TMIGD1: variants seen among roughly 807,000 people sequenced by gnomAD.
TMIGD1 encodes the protein transmembrane and immunoglobulin domain containing 1, also known as transmembrane and immunoglobulin domain-containing protein 1.
In TMIGD1, 29 loss-of-function variants were observed where a neutral mutation model predicts 27.5. The observed-to-expected ratio is 1.05, with a 90% CI of 0.78 to 1.44. TMIGD1 has a LOEUF of 1.44. Ranked by LOEUF, TMIGD1 falls within the 40% of genes most tolerant of loss-of-function variation. The pLI, the probability that TMIGD1 is intolerant of heterozygous loss-of-function variation, is 0.00. For missense variants in TMIGD1, 334 were observed against 310.6 expected (o/e 1.08, Z -0.57); for synonymous variants, 109 against 110.3 (o/e 0.99, Z 0.07).
At chr17:30,319,218 A>G (rs1249053964) in intron 4 of TMIGD1, among the ~76,000 whole-genome samples, 5 of 143,632 alleles carry the variant, frequency 3.5e-5, no homozygotes, top group African/African-American at 1.3e-4. Context: ...AGCCTGGCCC[A>G]CATGGTGAAA....
chr17:30,328,920 C>A (rs1160926755), intron 3 of TMIGD1, among the ~76,000 whole-genome samples: 5 of 143,862 alleles, frequency 3.5e-5, no homozygotes, highest in Admixed American at 1.5e-4. Context: ...GCCGAGATTG[C>A]GCCACTGAAC....
Position 30,332,251 on chromosome 17 carries a change from C to T in TMIGD1, c.-25-93G>A, listed in dbSNP as rs569796380. On this transcript the variant is annotated intron_variant, in intron 1 of 6. Transcript: ENST00000328886. ...TCTATTATGCATTTAAAGTGAAGTCCCAGATGAATCATCCCAGCTATAACG... is the reference window on the plus strand; with the variant it reads ...TCTATTATGCATTTAAAGTGAAGTCTCAGATGAATCATCCCAGCTATAACG... 3 of 656,656 alleles carry T rather than the reference C, an allele frequency of 4.6e-6. No individual in the cohort carries two copies. In the South Asian group the frequency reaches 6.2e-5, roughly 14 times the overall value. The allele number at this position is 656,656 out of a possible 1,614,324, so 40.7% of individuals were successfully genotyped here.
chr17:30,321,854 G>T (rs1909631534), intron 4 of TMIGD1, among the ~76,000 whole-genome samples: 1 of 151,962 alleles, frequency 6.6e-6, no homozygotes, highest in Non-Finnish European at 1.5e-5. Flanking sequence ...TTGGAGACAG[G>T]GTCTCACTCT....
At position 30,321,045 on chromosome 17, in the gene TMIGD1, A is replaced by G. The variant is rs1266498324; in HGVS notation, c.641-2132T>C. Among the ~76,000 whole-genome samples the G allele has an allele frequency of 4.6e-5, 7 of 152,008 alleles. No homozygotes were observed. The East Asian group carries it at 1.3e-3, about 29-fold the overall frequency. Reference sequence around the variant, plus strand: ...GATAATTTTTGTATTTTAGGTAGAGACAGTGTTTCGCCATGTTGGCCAGTC... The same window carrying G: ...GATAATTTTTGTATTTTAGGTAGAGGCAGTGTTTCGCCATGTTGGCCAGTC... On this transcript the variant is annotated intron_variant, in intron 4 of 6. Transcript: ENST00000328886.
chr17:30,330,993 G>A (rs1042770817), intron 2 of TMIGD1, among the ~76,000 whole-genome samples: 1 of 152,140 alleles, frequency 6.6e-6, no homozygotes, highest in Non-Finnish European at 1.5e-5. Context: ...AAAAGTTTGA[G>A]ACCAGCCTGG....
chr17:30,333,249 G>A (rs1469668499), intron 1 of TMIGD1, among the ~76,000 whole-genome samples: 2 of 141,754 alleles, frequency 1.4e-5, no homozygotes, highest in Admixed American at 7.2e-5. Context: ...CCAACATAGT[G>A]AAACCCCATC....
chr17:30,326,836 G>A (rs915595784), intron 3 of TMIGD1, among the ~76,000 whole-genome samples: 5 of 152,084 alleles, frequency 3.3e-5, no homozygotes, highest in Admixed American at 2.0e-4. Context: ...TCAGCAACGA[G>A]GTATGAGAGG....
intron 2 of TMIGD1, among the ~76,000 whole-genome samples, chr17:30,331,518 A>G (rs978719768): frequency 2.6e-5 from 4 of 152,032 alleles, no homozygotes; most frequent in Admixed American, 6.6e-5. Context: ...GTGGCTCTGG[A>G]GAGAATAGAA....
intron 3 of TMIGD1, among the ~76,000 whole-genome samples, chr17:30,326,444 A>G (rs975592514): frequency 6.6e-6 from 1 of 152,128 alleles, no homozygotes; most frequent in Non-Finnish European, 1.5e-5. Flanking sequence ...ATAGTTTTCT[A>G]TACATATAGT....
intron 4 of TMIGD1, 77 bp from the exon 5 acceptor site, chr17:30,318,990 A>G: frequency 4.0e-6 from 4 of 1,000,282 alleles, no homozygotes; most frequent in Non-Finnish European, 6.3e-6. Context: ...GGTGCCTTGA[A>G]CTTTATGTGT....
chr17:30,329,999 C>T lies in TMIGD1; in HGVS notation c.83-470G>A, dbSNP rs1032414641. ...ACTTGGGAGGATAAGGTGGGAGACT[C>T]GCTTGAGCCCAGGAGGTGGAGGTTG... On this transcript the variant is annotated intron_variant, in intron 2 of 6. Transcript: ENST00000328886. Among the ~76,000 whole-genome samples the T allele has an allele frequency of 8.6e-5, 13 of 151,932 alleles. 1 individual carries two copies. The highest frequency in any genetic ancestry group is 3.1e-4 in the African/African-American group (13 of 41,362).
chr17:30,331,229 A>G (rs1364916837), intron 2 of TMIGD1, among the ~76,000 whole-genome samples: 1 of 152,156 alleles, frequency 6.6e-6, no homozygotes, highest in African/African-American at 2.4e-5. Flanking sequence ...TTGTAAAGAT[A>G]ATGGTATTGT....
intron 2 of TMIGD1, among the ~76,000 whole-genome samples, chr17:30,331,256 A>G (rs1209774825): frequency 6.6e-6 from 1 of 152,186 alleles, no homozygotes; most frequent in Non-Finnish European, 1.5e-5. Flanking sequence ...GTATTTTATT[A>G]AAATATGGAA....
intron 5 of TMIGD1, 108 bp from the exon 6 acceptor site, chr17:30,317,341 C>G (rs1909447895): frequency 8.5e-7 from 1 of 1,173,210 alleles, no homozygotes; most frequent in Non-Finnish European, 1.3e-6. Flanking sequence ...GTGCACACCT[C>G]TGCACTGGCT....
chr17:30,317,759 C>CA (rs35218105), intron 5 of TMIGD1, among the ~76,000 whole-genome samples: 43,673 of 140,040 alleles, frequency 0.31, 6,743 homozygotes, highest in Admixed American at 0.35. Context: ...GAATCCATCT[C>CA]AAAAAAAAAA....
chr17:30,329,132 A>C, intron 3 of TMIGD1, 119 bp downstream of exon 3: 1 of 1,218,264 alleles, frequency 8.2e-7, no homozygotes, highest in Non-Finnish European at 1.2e-6. Flanking sequence ...GTACTCTCAT[A>C]CTTTGTGGTA....
intron 3 of TMIGD1, among the ~76,000 whole-genome samples, chr17:30,326,880 A>G (rs1243977102): frequency 6.6e-6 from 1 of 152,210 alleles, no homozygotes; most frequent in Non-Finnish European, 1.5e-5. Context: ...CAAACAGTGT[A>G]TTATCAAGCT....
At position 30,329,300 on chromosome 17, in the gene TMIGD1, C is replaced by A. The variant is rs925047500; in HGVS notation, c.312G>T (p.Arg104Ser). The change falls in exon 3 of 7, where the codon AGG (arginine) becomes AGT (serine). Residue 104 changes from arginine (R) to serine (S), a missense_variant. Coordinates refer to ENST00000328886, the MANE Select transcript of TMIGD1 (RefSeq NM_206832.3). ...ENDNGISFTC[R>S]LGRDQSVSVS... The stretch of plus-strand genomic sequence containing the variant: ...CGGACACGGACTGATCCCTCCCCAG[C>A]CTGCAGGTAAAGCTGATTCCGTTGT... 1 of 1,614,098 alleles carries A rather than the reference C, an allele frequency of 6.2e-7. No homozygotes were observed. Among genetic ancestry groups the A allele is most frequent in the Admixed American group, 1.7e-5 (1 of 60,010 alleles).
At position 30,329,388 on chromosome 17, in the gene TMIGD1, T is replaced by C; in HGVS notation, c.224A>G (p.Asp75Gly). 6.2e-7 allele frequency: 1 copy of C among 1,614,120 alleles called. No homozygotes were observed. The highest frequency in any genetic ancestry group is 8.5e-7 in the Non-Finnish European group (1 of 1,180,006). Residue 75 changes from aspartate (D) to glycine (G), a missense_variant, in exon 3 of 7, where the codon GAT becomes GGT. Coordinates refer to ENST00000328886, the MANE Select transcript of TMIGD1 (RefSeq NM_206832.3). Reference protein sequence around the residue: ...LLWYREEGRVDLKSGNKINSS... With the variant: ...LLWYREEGRVGLKSGNKINSS... The stretch of plus-strand genomic sequence containing the variant: ...ATTGATTTTGTTTCCAGATTTCAAA[T>C]CCACTCTCCCCTCCTCTCGGTACCA...
Sources: gnomAD v4.1 joint callset for allele counts (sites outside exome capture counted in the v4.1 genomes callset) on GRCh38, gnomAD v4.1.1 for gene constraint, MANE v1.5 for transcripts, NCBI Gene and HGNC (gene_info 2026-07-23, HGNC 2026-07-21) for gene names.